Variants in ADGRG1 observed in about 807,000 individuals in gnomAD.
ADGRG1 encodes the protein adhesion G protein-coupled receptor G1, also known as 7-transmembrane protein with no EGF-like N-terminal domains-1.
In ADGRG1, 53 loss-of-function variants were observed where a neutral mutation model predicts 73.5. The ratio of observed to expected loss-of-function variants is 0.72; its 90% CI spans 0.58 to 0.91. The LOEUF is 0.91. ADGRG1 is among the 40% of genes least tolerant of loss of function. The pLI is 0.00. For missense variants in ADGRG1, 795 were observed against 871.8 expected (o/e 0.91, Z 1.11); for synonymous variants, 394 against 374.4 (o/e 1.05, Z -0.60).
intron 1 of ADGRG1, chr16:57,643,261 A>G (rs2041303557): frequency 6.6e-6 from 1 of 152,284 alleles, no homozygotes; most frequent in Non-Finnish European, 1.5e-5. Flanking sequence ...ATCCAAGGCC[A>G]GGCTTCTTCC....
chr16:57,642,668 GAA>G (rs1229201102), intron 1 of ADGRG1: 2 of 984,186 alleles, frequency 2.0e-6, no homozygotes, highest in Non-Finnish European at 2.4e-6. Context: ...AGTGCTCCCT[GAA>G]AGTGCTTTGG....
intron 10 of ADGRG1, 61 bp downstream of exon 10, chr16:57,657,552 G>A: frequency 4.0e-6 from 5 of 1,246,370 alleles, no homozygotes; most frequent in Admixed American, 1.7e-5. Context: ...CCTCCACCAG[G>A]GCGCCGCACA....
rs1567669402 is a variant in ADGRG1, at chr16:57,628,977, A to AGTGT, written c.-36+176_-36+177insTGTG. The AGTGT allele has an allele frequency of 1.0e-4, 48 of 467,694 alleles. No homozygotes were observed. The African/African-American group carries it at 1.4e-3, about 13-fold the overall frequency. The allele number at this position is 467,694 out of a possible 1,614,324, so 29.0% of individuals were successfully genotyped here. On this transcript the variant is annotated intron_variant, in intron 1 of 13. Transcript: ENST00000562631. Reference sequence around the variant, plus strand: ...GAGAGTGTGTGAGTGTGAGTGTGTGAGAGTGAGTGAGAATGTGAGTGTGAG... The same window carrying AGTGT: ...GAGAGTGTGTGAGTGTGAGTGTGTGAGTGTGAGTGAGTGAGAATGTGAGTGTGAG...
rs1272214006 is a variant in ADGRG1, at chr16:57,651,434, G to T, written c.299G>T (p.Arg100Ile). 6.2e-7 allele frequency: 1 copy of T among 1,614,110 alleles called. No homozygotes were observed. The highest frequency in any genetic ancestry group is 8.5e-7 in the Non-Finnish European group (1 of 1,180,048). ...FCLYWNRHAG[R>I]LHLLYGKRDF... ...CTCTACTGGAACCGACATGCTGGGA[G>T]ATTACATCTTCTCTATGGCAAGCGT... Residue 100 changes from arginine (R) to isoleucine (I), a missense_variant, in exon 3 of 14, where the codon AGA becomes ATA. By Grantham distance (97) the Arg-to-Ile change is moderately conservative. Coordinates refer to ENST00000562631, the MANE Select transcript of ADGRG1 (RefSeq NM_201525.4).
At chr16:57,633,287 C>T (rs1297073296) in intron 1 of ADGRG1, 30 of 979,298 alleles carry the variant, frequency 3.1e-5, no homozygotes, top group Non-Finnish European at 3.3e-5. Flanking sequence ...TTTAATCTTC[C>T]AGGTCATGGG....
chr16:57,659,247 T>C (rs1165595217), intron 10 of ADGRG1, 166 bp from the exon 11 acceptor site: 18 of 1,488,788 alleles, frequency 1.2e-5, no homozygotes, highest in Admixed American at 2.1e-5. Context: ...CAGGGGGATG[T>C]GGGGAACAGT....
chr16:57,636,931 T>G (rs1332288126), intron 1 of ADGRG1, among the ~76,000 whole-genome samples: 1 of 152,040 alleles, frequency 6.6e-6, no homozygotes, highest in Admixed American at 6.5e-5. Flanking sequence ...ATAATTTTAA[T>G]TGGGTGGTCA....
intron 10 of ADGRG1, chr16:57,658,998 G>A (rs891827064): frequency 1.9e-5 from 19 of 985,052 alleles, no homozygotes; most frequent in Middle Eastern, 5.2e-4. Context: ...CAGACAGACC[G>A]ATGCGGGCAG....
In ADGRG1 at chr16:57,631,449, G is replaced by A. The variant is rs191212372; in HGVS notation, c.-36+2647G>A. The A allele has an allele frequency of 1.7e-4, 166 of 985,374 alleles. No individual in the cohort carries two copies. In the African/African-American group the frequency reaches 2.3e-3, roughly 14 times the overall value. 61.0% of individuals were successfully genotyped at this position (985,374 alleles called of 1,614,324 possible). ...CAGGGCTCCCAGGGAGGCCATGGAG[G>A]AGGCCGTGGGGAAGTCGGGTGGAAG... On this transcript the variant is annotated intron_variant, in intron 1 of 13. Coordinates refer to ENST00000562631, the MANE Select transcript of ADGRG1 (RefSeq NM_201525.4).
At chr16:57,657,678 G>A (rs557366103) in intron 10 of ADGRG1, among the ~76,000 whole-genome samples, 187 bp downstream of exon 10, 4 of 152,296 alleles carry the variant, frequency 2.6e-5, no homozygotes, top group African/African-American at 9.6e-5. Context: ...GTGGTGTTTG[G>A]ATAACATAGT....
rs146048113 is a variant in ADGRG1 at position 57,636,995 on chromosome 16, G to T, written c.-36+8193G>T. On this transcript the variant is annotated intron_variant, in intron 1 of 13. Transcript: ENST00000562631. Reference sequence around the variant, plus strand: ...TGAGTTGAGGCCTGAGAAGGAGGCAGTCAGGGAAAGGGTCCTGGAAAGGAT... The same window carrying T: ...TGAGTTGAGGCCTGAGAAGGAGGCATTCAGGGAAAGGGTCCTGGAAAGGAT... 2.4e-3 allele frequency among the ~76,000 whole-genome samples: 358 copies of T among 152,324 alleles called. 1 individual carries two copies. Among genetic ancestry groups the T allele is most frequent in the Non-Finnish European group, 3.4e-3 (230 of 68,042 alleles).
rs11646192 is a variant in ADGRG1 at position 57,633,656 on chromosome 16, C to G, written c.-36+4854C>G. 4.2e-5 allele frequency: 11 copies of G among 262,530 alleles called. No homozygotes were observed. The South Asian group carries it at 1.3e-3, about 31-fold the overall frequency. 16.3% of individuals were successfully genotyped at this position (262,530 alleles called of 1,614,324 possible). A position where few individuals can be genotyped will look rare whatever the true frequency, so the allele number is the denominator to read the frequency against. On this transcript the variant is annotated intron_variant, in intron 1 of 13. Coordinates refer to ENST00000562631, the MANE Select transcript of ADGRG1 (RefSeq NM_201525.4). The stretch of plus-strand genomic sequence containing the variant: ...CGTCTTCCTAATTGTAAACATGAGG[C>G]TGGTAATGGCATCCTGAGAGGATTA...
At chr16:57,625,089 C>T (rs1333837219), upstream of ADGRG1, among the ~76,000 whole-genome samples, 2 of 152,024 alleles carry the variant, frequency 1.3e-5, no homozygotes, top group African/African-American at 2.4e-5. Context: ...GCATTGCCCC[C>T]TCTCCTCTGT....
chr16:57,653,421 T>C (rs2148325194), intron 4 of ADGRG1, 86 bp downstream of exon 4: 1 of 1,583,166 alleles, frequency 6.3e-7, no homozygotes, highest in Non-Finnish European at 8.5e-7. Flanking sequence ...GAGTAGGGGC[T>C]ACTGCGAGGC....
intron 1 of ADGRG1, among the ~76,000 whole-genome samples, chr16:57,645,748 C>G (rs1371594627): frequency 6.6e-6 from 1 of 152,214 alleles, no homozygotes; most frequent in South Asian, 2.1e-4. Context: ...TGCATTTCAG[C>G]TCACTCCCAG....
intron 1 of ADGRG1, among the ~76,000 whole-genome samples, chr16:57,638,723 C>T (rs565473264): frequency 9.8e-5 from 15 of 152,318 alleles, no homozygotes; most frequent in African/African-American, 2.6e-4. Flanking sequence ...GAAGCAAATC[C>T]AGCTACTGTT....
chr16:57,663,099 T>TC (rs1167333458), intron 13 of ADGRG1: 1 of 983,388 alleles, frequency 1.0e-6, no homozygotes, highest in African/African-American at 1.7e-5. Flanking sequence ...GTGCAAAATC[T>TC]CACAGTGCTT....
At chr16:57,660,602 G>C in intron 11 of ADGRG1, 166 bp from the exon 12 acceptor site, 1 of 928,506 alleles carries the variant, frequency 1.1e-6, no homozygotes, top group African/African-American at 1.8e-5. Context: ...GGAATGGGGA[G>C]GGGGAGGGTC....
At position 57,651,707 on chromosome 16, in the gene ADGRG1, A is replaced by G. The variant is rs1419537552; in HGVS notation, c.487+85A>G. 1.8e-4 allele frequency: 273 copies of G among 1,519,106 alleles called. 1 individual carries two copies. The highest frequency in any genetic ancestry group is 2.0e-4 in the Middle Eastern group (1 of 4,952). 94.1% of individuals were successfully genotyped at this position (1,519,106 alleles called of 1,614,324 possible). A position where few individuals can be genotyped will look rare whatever the true frequency, so the allele number is the denominator to read the frequency against. ...AAATGCAAAGTGGACTGGGCTCACAATATCAGATCATGAAGACTGGGCTTT... is the reference window on the plus strand; with the variant it reads ...AAATGCAAAGTGGACTGGGCTCACAGTATCAGATCATGAAGACTGGGCTTT... On this transcript the variant is annotated intron_variant, in intron 3 of 13. Transcript: ENST00000562631.
Sources: gnomAD v4.1 joint callset for allele counts (sites outside exome capture counted in the v4.1 genomes callset) on GRCh38, gnomAD v4.1.1 for gene constraint, MANE v1.5 for transcripts, NCBI Gene and HGNC (gene_info 2026-07-23, HGNC 2026-07-21) for gene names.